The following RBFOX1 variants were observed in gnomAD, a reference collection of about 807,000 sequenced individuals.
RBFOX1 encodes the protein RNA binding protein fox-1 homolog 1.
In RBFOX1, 8 loss-of-function variants were observed where a neutral mutation model predicts 57.7. The observed-to-expected ratio is 0.14, with a 90% CI of 0.08 to 0.25. The LOEUF (loss-of-function observed/expected upper bound fraction) is 0.25, where lower values mean the gene tolerates loss of function less well. Ranked by LOEUF, RBFOX1 falls within the 10% of genes least tolerant of loss-of-function variation. The probability of loss-of-function intolerance (pLI) is 1.00; values close to 1 mark genes in which losing one functional copy is unlikely to be tolerated. For synonymous variants in RBFOX1, 326 were observed against 222.4 expected, an observed-to-expected ratio of 1.47 and a Z score of -4.15; for missense variants, 611 against 548.5, an observed-to-expected ratio of 1.11 and a Z score of -1.14.
intron 15 of RBFOX1, among the ~76,000 whole-genome samples, 174 bp downstream of exon 15, chr16:7,709,305 A>C (rs1285065015): frequency 6.6e-6 from 1 of 152,160 alleles, no homozygotes; most frequent in Non-Finnish European, 1.5e-5. Flanking sequence ...TAAATGTCTT[A>C]ATTTCTTGGC....
chr16:7,623,756 T>A (rs1357806733), intron 10 of RBFOX1, among the ~76,000 whole-genome samples: 1 of 152,186 alleles, frequency 6.6e-6, no homozygotes, highest in Non-Finnish European at 1.5e-5. Context: ...ATCATGGTGT[T>A]GGCAGGGTTG....
intron 4 of RBFOX1, among the ~76,000 whole-genome samples, chr16:7,440,693 A>G (rs990148972): frequency 6.6e-6 from 1 of 152,178 alleles, no homozygotes; most frequent in Admixed American, 6.5e-5. Flanking sequence ...CAGTACTGAT[A>G]AAGTTGAGCT....
intron 1 of RBFOX1, among the ~76,000 whole-genome samples, chr16:6,311,610 G>A (rs184875121): frequency 3.3e-5 from 5 of 152,188 alleles, no homozygotes; most frequent in Admixed American, 6.5e-5. Flanking sequence ...GTAACATTAC[G>A]TATTGCTTCT....
intron 1 of RBFOX1, among the ~76,000 whole-genome samples, chr16:6,166,232 G>GC (rs1287884936): frequency 6.6e-6 from 1 of 152,052 alleles, no homozygotes; most frequent in Non-Finnish European, 1.5e-5. Context: ...CACCTCACAG[G>GC]CCTTCCCTGC....
intron 4 of RBFOX1, among the ~76,000 whole-genome samples, chr16:7,387,306 A>AT (rs112339615): frequency 5.2e-4 from 79 of 152,272 alleles, no homozygotes; most frequent in African/African-American, 1.8e-3. Flanking sequence ...TTTTATCCTC[A>AT]TTTTATAGAT....
At chr16:6,957,394 T>TACAGGCGTGAGC (rs555027384) in intron 3 of RBFOX1, among the ~76,000 whole-genome samples, 2,427 of 152,180 alleles carry the variant, frequency 0.016, 78 homozygotes, top group African/African-American at 0.055. Context: ...GTGCTGCGAC[T>TACAGGCGTGAGC]CACGCTCAGC....
chr16:5,830,214 T>C (rs1326223059), intron 3 of RBFOX1, among the ~76,000 whole-genome samples: 1 of 152,150 alleles, frequency 6.6e-6, no homozygotes, highest in Non-Finnish European at 1.5e-5. Context: ...TGCCCCGCAG[T>C]TGGGCAGAAT....
At chr16:6,545,114 T>C (rs957107110) in intron 2 of RBFOX1, among the ~76,000 whole-genome samples, 2 of 152,174 alleles carry the variant, frequency 1.3e-5, no homozygotes, top group Non-Finnish European at 2.9e-5. Context: ...CCAAATGATA[T>C]CTAAAAATCC....
chr16:5,884,477 C>T lies in RBFOX1; in HGVS notation c.351+17142C>T, dbSNP rs954588924. 3.8e-4 allele frequency among the ~76,000 whole-genome samples: 57 copies of T among 150,030 alleles called. No individual in the cohort carries two copies. The South Asian group carries it at 7.1e-3, about 19-fold the overall frequency. On this transcript the variant is annotated intron_variant, in intron 4 of 19. Transcript: ENST00000641259. ...CCGCTCCCCACCACCCCCCTACCCC[C>T]GCCCCCGGCTAGGGTACACAGCTGG...
intron 1 of RBFOX1, among the ~76,000 whole-genome samples, chr16:5,377,721 G>A (rs771041564): frequency 2.0e-4 from 30 of 151,452 alleles, no homozygotes; most frequent in Non-Finnish European, 3.2e-4. Context: ...CCAGGAGAGG[G>A]AGCCTGTAAG....
At chr16:7,025,857 C>G (rs574144199) in intron 3 of RBFOX1, among the ~76,000 whole-genome samples, 1 of 152,208 alleles carries the variant, frequency 6.6e-6, no homozygotes, top group South Asian at 2.1e-4. Flanking sequence ...GGATTCAAAG[C>G]TCCAGCAACC....
intron 4 of RBFOX1, among the ~76,000 whole-genome samples, chr16:7,256,693 G>C (rs573356072): frequency 5.9e-5 from 9 of 152,150 alleles, no homozygotes; most frequent in Admixed American, 1.3e-4. Flanking sequence ...GTAAATAATC[G>C]CTCCCTGTCT....
chr16:5,909,838 G>A (rs1298004868), intron 4 of RBFOX1, among the ~76,000 whole-genome samples: 1 of 152,042 alleles, frequency 6.6e-6, no homozygotes, highest in Non-Finnish European at 1.5e-5. Flanking sequence ...GATCACTTGA[G>A]GTCAGGAGTT....
At chr16:6,684,094 A>T (rs187122715) in intron 3 of RBFOX1, among the ~76,000 whole-genome samples, 140 of 152,336 alleles carry the variant, frequency 9.2e-4, no homozygotes, top group Non-Finnish European at 1.7e-3. Flanking sequence ...GGTATGTTCA[A>T]GCAGAGAAAA....
chr16:6,566,179 A>G (rs1270268076), intron 2 of RBFOX1, among the ~76,000 whole-genome samples: 1 of 152,234 alleles, frequency 6.6e-6, no homozygotes, highest in Non-Finnish European at 1.5e-5. Context: ...GCAAGGAGGT[A>G]CAATCACCTC....
intron 2 of RBFOX1, among the ~76,000 whole-genome samples, chr16:6,419,846 T>A (rs577975728): frequency 6.6e-6 from 1 of 152,172 alleles, no homozygotes; most frequent in South Asian, 2.1e-4. Flanking sequence ...GATCTCAAAC[T>A]GAGTTAATTG....
chr16:6,539,892 A>C (rs956138415), intron 2 of RBFOX1, among the ~76,000 whole-genome samples: 3 of 150,572 alleles, frequency 2.0e-5, no homozygotes, highest in African/African-American at 7.3e-5. Context: ...CTTCTGCATG[A>C]ACTTTTAAAC....
intron 3 of RBFOX1, among the ~76,000 whole-genome samples, chr16:6,910,903 A>G (rs888214233): frequency 2.6e-5 from 4 of 152,058 alleles, no homozygotes; most frequent in African/African-American, 4.8e-5. Flanking sequence ...AATCTCTGTT[A>G]GTAAAGAGGA....
intron 1 of RBFOX1, among the ~76,000 whole-genome samples, chr16:6,278,896 T>G (rs989133493): frequency 6.6e-6 from 1 of 152,214 alleles, no homozygotes; most frequent in Non-Finnish European, 1.5e-5. Context: ...TGATTTTCAT[T>G]TAGATTTTTT....
Sources: gnomAD v4.1 joint callset for allele counts (sites outside exome capture counted in the v4.1 genomes callset) on GRCh38, gnomAD v4.1.1 for gene constraint, MANE v1.5 for transcripts, NCBI Gene and HGNC (gene_info 2026-07-23, HGNC 2026-07-21) for gene names.